The following ARL13B variants were observed in gnomAD, a reference collection of about 807,000 sequenced individuals.
ARL13B encodes ARF like GTPase 13B.
A neutral mutation model predicts 56.1 loss-of-function variants in ARL13B; 36 were observed. That is an observed-to-expected ratio of 0.64 (90% CI 0.49 to 0.85). The LOEUF is 0.85. Ranked by LOEUF, ARL13B falls within the 40% of genes least tolerant of loss-of-function variation. The pLI is 0.00. For missense variants in ARL13B, 519 were observed against 507.1 expected (o/e 1.02, Z -0.23); for synonymous variants, 178 against 171.1 (o/e 1.04, Z -0.32).
At chr3:94,040,972 A>G (rs543904808) in intron 6 of ARL13B, among the ~76,000 whole-genome samples, 5 of 152,294 alleles carry the variant, frequency 3.3e-5, no homozygotes, top group Middle Eastern at 3.4e-3. Flanking sequence ...TATATCACAT[A>G]TAGAAAGTTC....
chr3:93,994,196 T>C (rs1218898979), intron 1 of ARL13B, among the ~76,000 whole-genome samples: 1 of 152,214 alleles, frequency 6.6e-6, no homozygotes, highest in Non-Finnish European at 1.5e-5. Context: ...TGCTCCTTTC[T>C]CACTTGGTTT....
chr3:93,987,834 C>T (rs1710543406), intron 1 of ARL13B, among the ~76,000 whole-genome samples: 1 of 151,768 alleles, frequency 6.6e-6, no homozygotes, highest in Non-Finnish European at 1.5e-5. Context: ...TTTGTAGAGA[C>T]AAGGTCTCAC....
At chr3:93,992,254 G>A (rs1490079487) in intron 1 of ARL13B, among the ~76,000 whole-genome samples, 1 of 152,120 alleles carries the variant, frequency 6.6e-6, no homozygotes, top group East Asian at 1.9e-4. Context: ...AGAGAACAAG[G>A]AGTTATTTTT....
intron 2 of ARL13B, among the ~76,000 whole-genome samples, chr3:93,999,603 GATTAA>G: frequency 6.6e-6 from 1 of 151,986 alleles, no homozygotes; most frequent in East Asian, 1.9e-4. Flanking sequence ...TTAAATGTTC[GATTAA>G]ATTATTATTG....
At chr3:94,004,033 T>G in intron 3 of ARL13B, 125 bp downstream of exon 3, 1 of 1,409,436 alleles carries the variant, frequency 7.1e-7, no homozygotes, top group Non-Finnish European at 9.8e-7. Flanking sequence ...ATGTATGTAA[T>G]TAACTGGGAG....
At chr3:94,018,821 A>T (rs2076387844) in intron 3 of ARL13B, among the ~76,000 whole-genome samples, 1 of 152,126 alleles carries the variant, frequency 6.6e-6, no homozygotes, top group African/African-American at 2.4e-5. Context: ...GCCGGAGTGC[A>T]GTGGTGTGGT....
rs904423893 is a variant in ARL13B at position 94,046,322 on chromosome 3, C to T, written c.1024+3082C>T. On this transcript the variant is annotated intron_variant, in intron 7 of 9. Transcript: ENST00000394222. ...TCATCTCCTGGCAATCACTGATCTGCTTTATATCATTTATATTCATTTATA... is the reference window on the plus strand; with the variant it reads ...TCATCTCCTGGCAATCACTGATCTGTTTTATATCATTTATATTCATTTATA... Among the ~76,000 whole-genome samples, 3 of 152,106 alleles carry T rather than the reference C, an allele frequency of 2.0e-5. No individual in the cohort carries two copies. The East Asian group carries it at 5.8e-4, about 29-fold the overall frequency.
chr3:93,996,847 A>G (rs1237164667), intron 2 of ARL13B, among the ~76,000 whole-genome samples: 1 of 152,046 alleles, frequency 6.6e-6, no homozygotes, highest in Non-Finnish European at 1.5e-5. Context: ...GAACCAGCCC[A>G]CAAAGCAGGA....
intron 5 of ARL13B, among the ~76,000 whole-genome samples, 157 bp downstream of exon 5, chr3:94,036,911 GT>G (rs2076779170): frequency 6.6e-6 from 1 of 152,104 alleles, no homozygotes; most frequent in Non-Finnish European, 1.5e-5. Context: ...TTCTGTACAA[GT>G]TTGGGTGGTA....
At chr3:94,006,054 A>G (rs1453712075) in intron 3 of ARL13B, among the ~76,000 whole-genome samples, 2 of 152,140 alleles carry the variant, frequency 1.3e-5, no homozygotes, top group African/African-American at 2.4e-5. Context: ...TAATCCCAGC[A>G]CTTTGGGAGG....
chr3:94,002,100 CA>C (rs2076065113), intron 2 of ARL13B, among the ~76,000 whole-genome samples: 1 of 152,096 alleles, frequency 6.6e-6, no homozygotes. Flanking sequence ...GAATGCCTTT[CA>C]AATTAATCTT....
At chr3:94,011,906 T>G (rs1208548151) in intron 3 of ARL13B, among the ~76,000 whole-genome samples, 1 of 152,186 alleles carries the variant, frequency 6.6e-6, no homozygotes, top group Non-Finnish European at 1.5e-5. Flanking sequence ...TTTGTGCTTC[T>G]GTTTCTATAA....
At chr3:94,006,436 T>C (rs931076619) in intron 3 of ARL13B, among the ~76,000 whole-genome samples, 1 of 152,192 alleles carries the variant, frequency 6.6e-6, no homozygotes, top group South Asian at 2.1e-4. Flanking sequence ...ATTTCTCTTA[T>C]TGATGTTACT....
At chr3:94,035,547 A>AT in intron 4 of ARL13B, 111 bp downstream of exon 4, 1 of 718,792 alleles carries the variant, frequency 1.4e-6, no homozygotes, top group East Asian at 2.8e-5. Context: ...TTTTCAAAGA[A>AT]TTTTTTGTAA....
At chr3:94,020,254 A>C (rs2076419935) in intron 3 of ARL13B, among the ~76,000 whole-genome samples, 1 of 152,090 alleles carries the variant, frequency 6.6e-6, no homozygotes, top group South Asian at 2.1e-4. Flanking sequence ...GATTTACTTG[A>C]GCTCTTAATA....
intron 3 of ARL13B, chr3:94,015,237 T>C: frequency 6.4e-7 from 1 of 1,574,190 alleles, no homozygotes; most frequent in Non-Finnish European, 8.6e-7. Flanking sequence ...TTTCCTTTGT[T>C]CTCTGCTTTA....
chr3:93,987,527 T>G (rs1401186218), intron 1 of ARL13B, among the ~76,000 whole-genome samples: 1 of 152,228 alleles, frequency 6.6e-6, no homozygotes, highest in Non-Finnish European at 1.5e-5. Flanking sequence ...TTGTTTTTAC[T>G]AAGAATTATT....
intron 3 of ARL13B, chr3:94,015,173 C>T: frequency 1.9e-6 from 3 of 1,613,828 alleles, no homozygotes; most frequent in South Asian, 1.1e-5. Flanking sequence ...TGTAGAAACA[C>T]CCCTTGTTCC....
chr3:93,980,508 C>T (rs989487349), intron 1 of ARL13B, 26 bp downstream of exon 1: 16 of 1,607,668 alleles, frequency 1.0e-5, no homozygotes, highest in African/African-American at 4.0e-5. Flanking sequence ...CTGTCCTGGC[C>T]GTCCTAGGGG....
Sources: allele counts gnomAD v4.1 joint callset (sites outside exome capture counted in the v4.1 genomes callset), GRCh38; gene constraint gnomAD v4.1.1; transcripts MANE v1.5; gene names NCBI Gene and HGNC (gene_info 2026-07-23, HGNC 2026-07-21).